The following WIPF2 variants were observed in gnomAD, a reference collection of about 807,000 sequenced individuals.
WIPF2 encodes the protein WAS/WASL-interacting protein family member 2.
Under a neutral mutation model 38.8 loss-of-function variants are expected in WIPF2, and 23 were observed. The ratio of observed to expected loss-of-function variants is 0.59; its 90% CI spans 0.43 to 0.84. The LOEUF (loss-of-function observed/expected upper bound fraction) is 0.84. WIPF2 is among the 40% of genes least tolerant of loss of function. The pLI is 0.00. For synonymous variants in WIPF2, 210 were observed against 223.2 expected (o/e 0.94, Z 0.53); for missense variants, 574 against 580.5 (o/e 0.99, Z 0.11).
At chr17:40,274,557 G>GAAAAAAAAAAAAAAAA (rs571085371) in intron 6 of WIPF2, among the ~76,000 whole-genome samples, 1 of 24,780 alleles carries the variant, frequency 4.0e-5, no homozygotes, top group Non-Finnish European at 8.1e-5. Flanking sequence ...TGGAATTCTT[G>GAAAAAAAAAAAAAAAA]AAAAAAAAAA....
chr17:40,248,163 C>CTTTTTTTTTTTTT (rs60359132), intron 1 of WIPF2, among the ~76,000 whole-genome samples: 26 of 47,596 alleles, frequency 5.5e-4, no homozygotes, highest in East Asian at 1.1e-3. Context: ...AAAGTTATTT[C>CTTTTTTTTTTTTT]TTTTTTTTTT....
chr17:40,249,833 A>G (rs1303958683), intron 1 of WIPF2, among the ~76,000 whole-genome samples: 4 of 151,498 alleles, frequency 2.6e-5, no homozygotes, highest in African/African-American at 9.7e-5. Context: ...GACATCAGGA[A>G]GATTTTTTTT....
chr17:40,276,996 T>C (rs1782169288), intron 6 of WIPF2, 87 bp from the exon 7 acceptor site: 2 of 1,140,460 alleles, frequency 1.8e-6, no homozygotes, highest in South Asian at 2.9e-5. Flanking sequence ...GCCTGAGAGA[T>C]TAGTAAGTGG....
At chr17:40,256,168 CAAGT>C (rs898876457) in intron 1 of WIPF2, among the ~76,000 whole-genome samples, 5 of 144,684 alleles carry the variant, frequency 3.5e-5, no homozygotes, top group South Asian at 4.4e-4. Context: ...AAACAGATGA[CAAGT>C]AAGCATATGA....
chr17:40,255,655 A>G (rs9910788), intron 1 of WIPF2, among the ~76,000 whole-genome samples: 36,177 of 134,580 alleles, frequency 0.27, 7,081 homozygotes, highest in African/African-American at 0.57. Context: ...TTGAGACGGA[A>G]TCTCGCTCTG....
intron 5 of WIPF2, among the ~76,000 whole-genome samples, chr17:40,272,461 A>G (rs540886445): frequency 6.6e-6 from 1 of 152,234 alleles, no homozygotes; most frequent in Non-Finnish European, 1.5e-5. Flanking sequence ...TGTTTGAGCA[A>G]TGAGACTGTT....
At chr17:40,260,824 TTTC>T (rs1567720415) in intron 3 of WIPF2, 157 bp downstream of exon 3, 3 of 1,028,040 alleles carry the variant, frequency 2.9e-6, no homozygotes, top group Non-Finnish European at 4.4e-6. Flanking sequence ...ACCTTAGAAG[TTTC>T]TTCTTGACTC....
At chr17:40,229,237 G>A (rs1182569547) in intron 1 of WIPF2, among the ~76,000 whole-genome samples, 7 of 144,542 alleles carry the variant, frequency 4.8e-5, no homozygotes, top group African/African-American at 1.8e-4. Context: ...TCAGCTTCCC[G>A]AGTAGCTAGG....
intron 5 of WIPF2, among the ~76,000 whole-genome samples, chr17:40,266,246 A>G (rs2032083457): frequency 6.6e-6 from 1 of 151,824 alleles, no homozygotes; most frequent in Non-Finnish European, 1.5e-5. Flanking sequence ...TCAAAAAAAA[A>G]AAAAAAAAAA....
In WIPF2 at chr17:40,273,797, A is replaced by AC; in HGVS notation, c.983dup (p.Pro329ThrfsTer67). The stretch of plus-strand genomic sequence containing the variant: ...TTTGGATTTTAATTGCAGCTCCTCC[A>AC]CCCCCACCACCTGTGATCCGAAATG... On this transcript the variant is annotated frameshift_variant, in exon 6 of 8. Transcript: ENST00000323571. LOFTEE classifies it high-confidence loss of function. 6.2e-7 allele frequency: 1 copy of AC among 1,600,420 alleles called. No individual in the cohort carries two copies. The highest frequency in any genetic ancestry group is 8.5e-7 in the Non-Finnish European group (1 of 1,171,020).
chr17:40,237,429 C>T (rs1045462085), intron 1 of WIPF2, among the ~76,000 whole-genome samples: 6 of 151,608 alleles, frequency 4.0e-5, no homozygotes, highest in African/African-American at 1.5e-4. Flanking sequence ...TTAGTAGAGA[C>T]AGAGTCTTAC....
At chr17:40,248,453 G>T (rs571104112) in intron 1 of WIPF2, among the ~76,000 whole-genome samples, 1 of 152,082 alleles carries the variant, frequency 6.6e-6, no homozygotes, top group African/African-American at 2.4e-5. Flanking sequence ...ATAGGCGTCA[G>T]CCACTGTGCC....
At chr17:40,265,251 T>C in intron 5 of WIPF2, 105 bp downstream of exon 5, 1 of 1,344,846 alleles carries the variant, frequency 7.4e-7, no homozygotes, top group South Asian at 1.4e-5. Flanking sequence ...CTCAGTGGGT[T>C]TATTGAGTAC....
At chr17:40,263,546 TCCC>T (rs71152659) in intron 4 of WIPF2, among the ~76,000 whole-genome samples, 12,648 of 85,988 alleles carry the variant, frequency 0.15, 990 homozygotes, top group East Asian at 0.36. Flanking sequence ...TATTTATTCG[TCCC>T]CCCCCCCCCC....
intron 1 of WIPF2, among the ~76,000 whole-genome samples, chr17:40,246,467 C>T (rs1327463129): frequency 6.8e-6 from 1 of 148,000 alleles, no homozygotes; most frequent in Non-Finnish European, 1.5e-5. Flanking sequence ...GGCACAGTCT[C>T]GGCTCACTGC....
intron 1 of WIPF2, among the ~76,000 whole-genome samples, chr17:40,243,687 A>T (rs529279454): frequency 3.6e-4 from 51 of 142,822 alleles, no homozygotes; most frequent in African/African-American, 1.1e-3. Context: ...CTAATTTTGT[A>T]TTTTTTTTTT....
At chr17:40,236,903 T>A (rs1056065255) in intron 1 of WIPF2, among the ~76,000 whole-genome samples, 2 of 152,114 alleles carry the variant, frequency 1.3e-5, no homozygotes, top group Non-Finnish European at 2.9e-5. Context: ...TTATGAAGTT[T>A]GATGCTATTT....
intron 1 of WIPF2, among the ~76,000 whole-genome samples, chr17:40,224,982 TTGAC>T (rs1174552542): frequency 6.6e-6 from 1 of 151,980 alleles, no homozygotes; most frequent in Non-Finnish European, 1.5e-5. Context: ...AGAGTTCCGG[TTGAC>T]TGACTGTGTC....
intron 1 of WIPF2, 105 bp downstream of exon 1, chr17:40,219,597 A>G (rs1367985147): frequency 1.3e-5 from 1 of 77,746 alleles, no homozygotes; most frequent in Non-Finnish European, 2.4e-5. Context: ...GCTTGAGAAG[A>G]GAGGGGGGCA....
Sources: allele counts gnomAD v4.1 joint callset (sites outside exome capture counted in the v4.1 genomes callset), GRCh38; gene constraint gnomAD v4.1.1; transcripts MANE v1.5; gene names NCBI Gene and HGNC (gene_info 2026-07-23, HGNC 2026-07-21).